RICTOR: variants seen among roughly 807,000 people sequenced by gnomAD.
RICTOR encodes the protein rapamycin-insensitive companion of mTOR.
A neutral mutation model predicts 214.9 loss-of-function variants in RICTOR; 49 were observed. The observed-to-expected ratio is 0.23, with a 90% CI of 0.18 to 0.29. The LOEUF (loss-of-function observed/expected upper bound fraction) is 0.29, where lower values mean the gene tolerates loss of function less well. Ranked by LOEUF, RICTOR falls within the 10% of genes least tolerant of loss-of-function variation. The pLI, the probability that RICTOR is intolerant of heterozygous loss-of-function variation, is 1.00. For synonymous variants in RICTOR, 717 were observed against 711.3 expected, an observed-to-expected ratio of 1.01 and a Z score of -0.13; for missense variants, 1,625 against 2,047.0, an observed-to-expected ratio of 0.79 and a Z score of 3.98.
In RICTOR at chr5:39,023,810, T is replaced by C. The variant is rs1447656485; in HGVS notation, c.98-2674A>G. Among the ~76,000 whole-genome samples the C allele has an allele frequency of 2.6e-5, 4 of 152,210 alleles. No homozygotes were observed. The South Asian group carries it at 6.2e-4, about 24-fold the overall frequency. ...ACTGGGTGTTGTCTATGACAACAAATGTGGTGTCAAAGCACTAAGTACACT... is the reference window on the plus strand; with the variant it reads ...ACTGGGTGTTGTCTATGACAACAAACGTGGTGTCAAAGCACTAAGTACACT... On this transcript the variant is annotated intron_variant, in intron 2 of 37. Transcript: ENST00000357387.
chr5:39,060,838 G>A (rs1485100853), intron 2 of RICTOR, among the ~76,000 whole-genome samples: 1 of 151,844 alleles, frequency 6.6e-6, no homozygotes, highest in Non-Finnish European at 1.5e-5. Flanking sequence ...ACTGCAAAGG[G>A]GTAAGTGCAT....
chr5:39,062,201 T>G (rs762430347), intron 2 of RICTOR, among the ~76,000 whole-genome samples: 1 of 152,146 alleles, frequency 6.6e-6, no homozygotes, highest in Non-Finnish European at 1.5e-5. Flanking sequence ...ATTATAATTT[T>G]ATACTAATAC....
chr5:38,942,332 G>T lies in RICTOR; in HGVS notation c.5099C>A (p.Pro1700His). 6.3e-7 allele frequency: 1 copy of T among 1,598,030 alleles called. No individual in the cohort carries two copies. Among genetic ancestry groups the T allele is most frequent in the Non-Finnish European group, 8.6e-7 (1 of 1,169,252 alleles). Reference protein sequence around the residue: ...EAVLATPPKQPIVDTSAES With the variant: ...EAVLATPPKQHIVDTSAES ...GGATTCAGCAGATGTATCAACTATA[G>T]GTTGCTTTGGTGGTGTTGCCAACAC... Residue 1700 changes from proline (P) to histidine (H), a missense_variant, in exon 38 of 38, where the codon CCT (proline) becomes CAT (histidine). Around this residue, in one of 5 missense-constraint regions of RICTOR, gnomAD observed 38 missense variants for 34.8 expected, o/e 1.09. Transcript: ENST00000357387.
Position 38,962,927 on chromosome 5 carries a change from G to A in RICTOR, c.1515C>T (p.His505=), listed in dbSNP as rs1167526952. Residue 505 remains histidine, a synonymous_variant, in exon 17 of 38, where the codon CAC becomes CAT. Transcript: ENST00000357387. ...CTCGGAGATACTGATCCCGTTTCTG[G>A]TGTGTTGCAATTGCTTTCTGAATAA... is the stretch of plus-strand genomic sequence containing the variant. The part of the protein sequence containing the change: ...DHIIQKAIAT[H]QKRDQYLRVQ... The A allele has an allele frequency of 6.2e-7, 1 of 1,612,762 alleles. No individual in the cohort carries two copies. Among genetic ancestry groups the A allele is most frequent in the Middle Eastern group, 1.7e-4 (1 of 6,054 alleles).
At chr5:39,063,439 TAA>T (rs1199758184) in intron 2 of RICTOR, among the ~76,000 whole-genome samples, 7 of 152,140 alleles carry the variant, frequency 4.6e-5, no homozygotes, top group Non-Finnish European at 8.8e-5. Flanking sequence ...TTCAAAAAAT[TAA>T]AAGTTTTAAA....
rs1322020076 is a variant in RICTOR at position 38,947,139 on chromosome 5, G to A, written c.4314+125C>T. The A allele has an allele frequency of 5.6e-5, 36 of 646,640 alleles. No homozygotes were observed. In the East Asian group the frequency reaches 8.6e-4, roughly 15 times the overall value. The allele number at this position is 646,640 out of a possible 1,614,324, so 40.1% of individuals were successfully genotyped here. A position where few individuals can be genotyped will look rare whatever the true frequency, so the allele number is the denominator to read the frequency against. On this transcript the variant is annotated intron_variant, in intron 32 of 37. Transcript: ENST00000357387. ...ATCTTAAAGTTTCTTTAAACAAAAC[G>A]GTCTTAAAAATCATGCTGCCCCAAA...
intron 8 of RICTOR, 159 bp downstream of exon 8, chr5:38,981,708 C>A (rs1751726844): frequency 9.8e-6 from 5 of 509,130 alleles, no homozygotes; most frequent in Non-Finnish European, 1.7e-5. Context: ...TCAGTCCAAA[C>A]TGAATGATCT....
At chr5:39,007,700 C>T (rs1428959372) in intron 3 of RICTOR, among the ~76,000 whole-genome samples, 1 of 151,786 alleles carries the variant, frequency 6.6e-6, no homozygotes, top group Non-Finnish European at 1.5e-5. Flanking sequence ...TTTCCTAAAA[C>T]CCAAATCAAA....
intron 8 of RICTOR, among the ~76,000 whole-genome samples, chr5:38,979,943 T>C (rs1288537122): frequency 6.6e-6 from 1 of 152,174 alleles, no homozygotes; most frequent in Non-Finnish European, 1.5e-5. Context: ...TGTGCTTTAC[T>C]GTGTGTATTA....
chr5:39,057,504 T>C (rs2150199106), intron 2 of RICTOR, among the ~76,000 whole-genome samples: 1 of 152,244 alleles, frequency 6.6e-6, no homozygotes, highest in South Asian at 2.1e-4. Context: ...ACTTCAGCTT[T>C]ATTCTAAGGA....
chr5:38,991,110 T>C (rs1176035603), intron 6 of RICTOR, 35 bp from the exon 7 acceptor site: 2 of 1,498,994 alleles, frequency 1.3e-6, no homozygotes, highest in Non-Finnish European at 1.8e-6. Context: ...GAAGTTACTT[T>C]AGTAATACAT....
rs1217635730 is a variant in RICTOR, at chr5:38,937,953, TATCCCTTTG to T, written c.*4342_*4350del. 5.4e-6 allele frequency: 1 copy of T among 184,822 alleles called. No individual in the cohort carries two copies. The highest frequency in any genetic ancestry group is 2.3e-5 in the African/African-American group (1 of 42,638). The allele number at this position is 184,822 out of a possible 1,614,324, so 11.4% of individuals were successfully genotyped here. A position where few individuals can be genotyped will look rare whatever the true frequency, so the allele number is the denominator to read the frequency against. Reference sequence around the variant, plus strand: ...TTTTAAGTACATTTTATTAACAATGTATCCCTTTGATAAGATTATGCTTCAGGAGGCTTT... The same window carrying T: ...TTTTAAGTACATTTTATTAACAATGTATAAGATTATGCTTCAGGAGGCTTT... On this transcript the variant is annotated 3_prime_UTR_variant, in exon 38 of 38. Transcript: ENST00000357387. This position sits in a 1 kb window ranked among gnomAD's most constrained non-coding sequence, Gnocchi z 4.0.
In RICTOR at chr5:38,985,325, C is replaced by T. The variant is rs143323298; in HGVS notation, c.584-3289G>A. 3.4e-4 allele frequency among the ~76,000 whole-genome samples: 52 copies of T among 152,172 alleles called. No homozygotes were observed. The East Asian group carries it at 8.9e-3, about 26-fold the overall frequency. On this transcript the variant is annotated intron_variant, in intron 7 of 37. Coordinates refer to ENST00000357387, the MANE Select transcript of RICTOR (RefSeq NM_152756.5). ...ACTTACAATACCCTACAATGTAAACCCTATGTAAATGGTTATACTGTATTT... is the reference window on the plus strand; with the variant it reads ...ACTTACAATACCCTACAATGTAAACTCTATGTAAATGGTTATACTGTATTT...
chr5:38,947,137 A>G, intron 32 of RICTOR, 127 bp downstream of exon 32: 1 of 655,540 alleles, frequency 1.5e-6, no homozygotes, highest in East Asian at 2.7e-5. Flanking sequence ...TTTAAACAAA[A>G]CGGTCTTAAA....
At chr5:38,994,195 A>AAT (rs1433130872) in intron 6 of RICTOR, among the ~76,000 whole-genome samples, 20 of 151,538 alleles carry the variant, frequency 1.3e-4, no homozygotes, top group East Asian at 7.8e-4. Flanking sequence ...ATCTCAAAAA[A>AAT]ATATATATAT....
At chr5:38,972,036 CTT>C in intron 10 of RICTOR, 77 bp from the exon 11 acceptor site, 1 of 640,956 alleles carries the variant, frequency 1.6e-6, no homozygotes, top group South Asian at 2.0e-5. Flanking sequence ...TAATATAAAA[CTT>C]GTCATATTTT....
intron 7 of RICTOR, among the ~76,000 whole-genome samples, chr5:38,984,434 C>T (rs1338397810): frequency 6.6e-6 from 1 of 151,994 alleles, no homozygotes; most frequent in Non-Finnish European, 1.5e-5. Flanking sequence ...TTGAGTTATA[C>T]TGGTTCACTC....
At chr5:39,026,300 G>T (rs1345248670) in intron 2 of RICTOR, among the ~76,000 whole-genome samples, 2 of 152,042 alleles carry the variant, frequency 1.3e-5, no homozygotes, top group Admixed American at 6.5e-5. Context: ...CAGTGATCAT[G>T]TCACTTGTAC....
chr5:38,990,131 C>A (rs1752474827), intron 7 of RICTOR, among the ~76,000 whole-genome samples: 1 of 152,062 alleles, frequency 6.6e-6, no homozygotes, highest in South Asian at 2.1e-4. Context: ...GAAAATGTGG[C>A]ACATATACAC....
Sources: allele counts gnomAD v4.1 joint callset (sites outside exome capture counted in the v4.1 genomes callset), GRCh38; gene constraint gnomAD v4.1.1; regional missense constraint gnomAD v4.1.1; non-coding constraint Gnocchi (gnomAD v3.1); transcripts MANE v1.5; gene names NCBI Gene and HGNC (gene_info 2026-07-23, HGNC 2026-07-21).